Variants in PLCB1 observed in about 807,000 individuals in gnomAD.
The protein encoded by PLCB1 is phospholipase C beta 1, also known as 1-phosphatidylinositol 4,5-bisphosphate phosphodiesterase beta-1.
In PLCB1, 46 loss-of-function variants were observed where a neutral mutation model predicts 161.8. The observed-to-expected ratio is 0.28, with a 90% CI of 0.22 to 0.36. The LOEUF is 0.36. Ranked by LOEUF, PLCB1 falls within the 10% of genes least tolerant of loss-of-function variation. PLCB1 has a pLI of 1.00. For synonymous variants in PLCB1, 517 were observed against 503.7 expected (o/e 1.03, Z -0.35); for missense variants, 1,016 against 1,472.5 (o/e 0.69, Z 5.07).
chr20:8,263,527 T>C (rs1327123610), intron 2 of PLCB1, among the ~76,000 whole-genome samples: 8 of 152,152 alleles, frequency 5.3e-5, no homozygotes, highest in African/African-American at 1.9e-4. Flanking sequence ...TAATCATGTG[T>C]CACTTAATGC....
At chr20:8,641,695 T>G (rs1988962039) in intron 4 of PLCB1, among the ~76,000 whole-genome samples, 1 of 152,166 alleles carries the variant, frequency 6.6e-6, no homozygotes, top group Non-Finnish European at 1.5e-5. Flanking sequence ...TTACTGAAAA[T>G]GGAGGAATTA....
At chr20:8,271,420 A>C in intron 2 of PLCB1, among the ~76,000 whole-genome samples, 1 of 152,180 alleles carries the variant, frequency 6.6e-6, no homozygotes, top group East Asian at 1.9e-4. Context: ...GATAGAATTA[A>C]GAATCCATGC....
intron 2 of PLCB1, among the ~76,000 whole-genome samples, chr20:8,218,992 TA>T (rs1979276439): frequency 6.6e-6 from 1 of 152,168 alleles, no homozygotes; most frequent in Non-Finnish European, 1.5e-5. Context: ...GACTGCCTTC[TA>T]AATTGAGGGA....
chr20:8,814,210 A>G (rs563257977), intron 31 of PLCB1, among the ~76,000 whole-genome samples: 2 of 152,328 alleles, frequency 1.3e-5, no homozygotes, highest in African/African-American at 4.8e-5. Flanking sequence ...GAGATTTTAC[A>G]ACAGCCCAAG....
At chr20:8,236,508 G>T (rs1980335518) in intron 2 of PLCB1, among the ~76,000 whole-genome samples, 1 of 151,836 alleles carries the variant, frequency 6.6e-6, no homozygotes, top group African/African-American at 2.4e-5. Flanking sequence ...ACTCCAGCTT[G>T]GGTAACAGAA....
chr20:8,578,731 ACTCAGC>A (rs769861608), intron 3 of PLCB1, among the ~76,000 whole-genome samples: 1 of 152,170 alleles, frequency 6.6e-6, no homozygotes, highest in Non-Finnish European at 1.5e-5. Flanking sequence ...TTACAAAAGA[ACTCAGC>A]CTTGACCTGG....
chr20:8,659,792 G>A (rs1989571441), intron 9 of PLCB1, among the ~76,000 whole-genome samples: 1 of 152,050 alleles, frequency 6.6e-6, no homozygotes, highest in Admixed American at 6.6e-5. Context: ...AGGAGTTCAA[G>A]ATCAGCCTGG....
chr20:8,445,434 G>A (rs1202858336), intron 3 of PLCB1, among the ~76,000 whole-genome samples: 1 of 151,994 alleles, frequency 6.6e-6, no homozygotes. Context: ...GTACCATGCT[G>A]TTTTGGTTAC....
chr20:8,561,552 T>C (rs1468159111), intron 3 of PLCB1, among the ~76,000 whole-genome samples: 1 of 152,002 alleles, frequency 6.6e-6, no homozygotes, highest in Non-Finnish European at 1.5e-5. Context: ...CTTGATACAT[T>C]GCATTGAAAG....
chr20:8,381,274 G>A (rs1600359294), intron 3 of PLCB1, among the ~76,000 whole-genome samples: 1 of 152,300 alleles, frequency 6.6e-6, no homozygotes, highest in East Asian at 1.9e-4. Flanking sequence ...AACCAGCCTT[G>A]CATACCAGGG....
At chr20:8,757,509 T>A (rs1475872785) in intron 24 of PLCB1, among the ~76,000 whole-genome samples, 1 of 152,212 alleles carries the variant, frequency 6.6e-6, no homozygotes, top group Non-Finnish European at 1.5e-5. Context: ...GCCTTAGAAG[T>A]GCATTCTTAG....
intron 8 of PLCB1, 110 bp downstream of exon 8, chr20:8,657,394 T>C: frequency 1.4e-6 from 1 of 722,144 alleles, no homozygotes; most frequent in Admixed American, 1.9e-5. Flanking sequence ...ATACACTGTG[T>C]CTAAAAGCAA....
intron 31 of PLCB1, among the ~76,000 whole-genome samples, chr20:8,805,570 AAAC>A (rs1984495873): frequency 6.6e-6 from 1 of 152,248 alleles, no homozygotes; most frequent in African/African-American, 2.4e-5. Context: ...ATAATACTAA[AAAC>A]AAAAATTAGC....
Position 8,830,976 on chromosome 20 carries a change from C to T in PLCB1, c.3423+40715C>T, listed in dbSNP as rs558604704. Among the ~76,000 whole-genome samples, 5 of 152,272 alleles carry T rather than the reference C, an allele frequency of 3.3e-5. No individual in the cohort carries two copies. In the South Asian group the frequency reaches 6.2e-4, roughly 19 times the overall value. On this transcript the variant is annotated intron_variant, in intron 31 of 31. Coordinates refer to ENST00000338037, the MANE Select transcript of PLCB1 (RefSeq NM_015192.4). The stretch of plus-strand genomic sequence containing the variant: ...GTAGCCTAGCTGTTTCATTGGCCCC[C>T]GCATCTCTCTGCCACATGATGGACA...
At chr20:8,292,418 C>T (rs1486669243) in intron 2 of PLCB1, among the ~76,000 whole-genome samples, 1 of 152,030 alleles carries the variant, frequency 6.6e-6, no homozygotes, top group African/African-American at 2.4e-5. Flanking sequence ...AGTAGAAGGC[C>T]TGAGTTTGAT....
intron 3 of PLCB1, among the ~76,000 whole-genome samples, chr20:8,530,757 C>G (rs1321459895): frequency 6.6e-6 from 1 of 152,056 alleles, no homozygotes; most frequent in East Asian, 1.9e-4. Context: ...TTAATGAACA[C>G]TTTCAGTTTT....
chr20:8,152,498 A>G (rs1219452165), intron 2 of PLCB1, among the ~76,000 whole-genome samples: 2 of 152,134 alleles, frequency 1.3e-5, no homozygotes, highest in South Asian at 2.1e-4. Flanking sequence ...ATTTTTTTGC[A>G]TAAGATCATT....
intron 31 of PLCB1, among the ~76,000 whole-genome samples, chr20:8,835,658 A>C (rs1032305775): frequency 6.6e-6 from 1 of 152,022 alleles, no homozygotes; most frequent in African/African-American, 2.4e-5. Context: ...ATGCATATAC[A>C]TGTAGAACCA....
At chr20:8,821,434 C>T (rs1430236702) in intron 31 of PLCB1, among the ~76,000 whole-genome samples, 19 of 137,028 alleles carry the variant, frequency 1.4e-4, no homozygotes, top group African/African-American at 1.6e-4. Flanking sequence ...GCTGAGATCA[C>T]GCCTCTGCAC....
Sources: gnomAD v4.1 joint callset for allele counts (sites outside exome capture counted in the v4.1 genomes callset) on GRCh38, gnomAD v4.1.1 for gene constraint, MANE v1.5 for transcripts, NCBI Gene and HGNC (gene_info 2026-07-23, HGNC 2026-07-21) for gene names.